Variants in THAP7 observed in about 807,000 individuals in gnomAD.
The protein encoded by THAP7 is THAP domain containing 7.
Under a neutral mutation model 29.2 loss-of-function variants are expected in THAP7, and 22 were observed. The observed-to-expected ratio is 0.75, with a 90% CI of 0.54 to 1.08. THAP7 has a LOEUF of 1.08. Ranked by LOEUF, THAP7 falls within the 50% of genes least tolerant of loss-of-function variation. The pLI is 0.00. For synonymous variants in THAP7, 208 were observed against 173.4 expected (o/e 1.20, Z -1.57); for missense variants, 448 against 416.2 (o/e 1.08, Z -0.66).
At chr22:21,001,208 C>T (rs1489025305) in intron 2 of THAP7, 48 bp downstream of exon 2, 1 of 1,602,714 alleles carries the variant, frequency 6.2e-7, no homozygotes, top group African/African-American at 1.3e-5. Flanking sequence ...TCCCAGTCCG[C>T]CGGGAGCCCC....
Position 20,999,838 on chromosome 22 carries a change from T to A in THAP7, c.*42A>T, listed in dbSNP as rs1925038743. 1.3e-6 allele frequency: 2 copies of A among 1,561,208 alleles called. No individual in the cohort carries two copies. The highest frequency in any genetic ancestry group is 2.7e-5 in the African/African-American group (2 of 73,920). On this transcript the variant is annotated 3_prime_UTR_variant, in exon 4 of 4. Transcript: ENST00000215742. Reference sequence around the variant, plus strand: ...GGTGGGATCTGAGGGAGGAAGAGGCTGCAGTCTTGCTGGGCAGCCCCTCGG... The same window carrying A: ...GGTGGGATCTGAGGGAGGAAGAGGCAGCAGTCTTGCTGGGCAGCCCCTCGG...
rs1925121376 is a variant in THAP7 at position 21,000,798 on chromosome 22, A to G, written c.237-11T>C. ...AGCCTGTGATATCCACTGCGGGGAA[A>G]AGCAACCCAGATGAGCTGGAGAGCA... On this transcript the variant is annotated splice_polypyrimidine_tract_variant and intron_variant, in intron 2 of 3. Transcript: ENST00000215742. The G allele has an allele frequency of 6.2e-7, 1 of 1,613,902 alleles. No individual in the cohort carries two copies. The highest frequency in any genetic ancestry group is 1.1e-5 in the South Asian group (1 of 91,092).
rs1243058065 is a variant in THAP7, at chr22:21,000,449, G to A, written c.378-17C>T. The A allele has an allele frequency of 5.8e-6, 9 of 1,545,998 alleles. No individual in the cohort carries two copies. Among genetic ancestry groups the A allele is most frequent in the Non-Finnish European group, 7.8e-6 (9 of 1,148,190 alleles). ...TCGGAGCAGCTGGTAAGGGGGAAGA[G>A]AGAGACTGATGGGCTAGGCTGAGGG... On this transcript the variant is annotated splice_polypyrimidine_tract_variant and intron_variant, in intron 3 of 3. Transcript: ENST00000215742.
intron 2 of THAP7, 199 bp from the exon 3 acceptor site, chr22:21,000,986 G>T: frequency 1.1e-6 from 1 of 911,022 alleles, no homozygotes; most frequent in Non-Finnish European, 1.6e-6. Context: ...TGCATAAGCC[G>T]AGCTGGGCTG....
intron 2 of THAP7, 111 bp downstream of exon 2, chr22:21,001,145 A>AAAC (rs1925142476): frequency 6.8e-7 from 1 of 1,480,056 alleles, no homozygotes; most frequent in African/African-American, 1.4e-5. Flanking sequence ...TGGGAACAGG[A>AAAC]AACAGCCCCC....
rs543596060 is a variant in THAP7, at chr22:21,001,773, C to T, written c.80+59G>A. ...GCGCGAAGCCTCTACGCAGTTGCGACCCGAGGCGAGCAACAACTAGCGCAT... is the reference window on the plus strand; with the variant it reads ...GCGCGAAGCCTCTACGCAGTTGCGATCCGAGGCGAGCAACAACTAGCGCAT... On this transcript the variant is annotated intron_variant, in intron 1 of 3. Coordinates refer to ENST00000215742, the MANE Select transcript of THAP7 (RefSeq NM_030573.3). 5.4e-5 allele frequency: 81 copies of T among 1,511,020 alleles called. 1 individual carries two copies. In the South Asian group the frequency reaches 9.2e-4, roughly 17 times the overall value. 93.6% of individuals were successfully genotyped at this position (1,511,020 alleles called of 1,614,324 possible).
Position 21,000,400 on chromosome 22 carries a change from A to G in THAP7, c.410T>C (p.Phe137Ser). The G allele has an allele frequency of 6.4e-7, 1 of 1,553,758 alleles. No individual in the cohort carries two copies. The highest frequency in any genetic ancestry group is 8.7e-7 in the Non-Finnish European group (1 of 1,148,950). ...CSEGRGPTTP[F>S]SPPPPADVTC... ...GACATCAGCAGGTGGAGGTGGAGAA[A>G]ATGGAGTTGTGGGCCCTCGGCCCTC... The change falls in exon 4 of 4, where the codon TTT becomes TCT. Residue 137 changes from phenylalanine to serine, a missense_variant. By Grantham distance (155) the Phe-to-Ser change is radical. Transcript: ENST00000215742.
At chr22:21,000,965 T>C in intron 2 of THAP7, 178 bp from the exon 3 acceptor site, 1 of 1,040,424 alleles carries the variant, frequency 9.6e-7, no homozygotes, top group Non-Finnish European at 1.4e-6. Context: ...AGTCCAGGTG[T>C]GTGGAAAGCC....
Position 21,001,928 on chromosome 22 carries a change from A to G in THAP7, c.-17T>C. ...ACGCGGCATCTGGGAAAGAGGCGGGAGTTAAGTCGCAAGCGGCTCTCCGGG... is the reference window on the plus strand; with the variant it reads ...ACGCGGCATCTGGGAAAGAGGCGGGGGTTAAGTCGCAAGCGGCTCTCCGGG... On this transcript the variant is annotated 5_prime_UTR_variant, in exon 1 of 4. Coordinates refer to ENST00000215742, the MANE Select transcript of THAP7 (RefSeq NM_030573.3). 2.6e-6 allele frequency: 4 copies of G among 1,549,522 alleles called. No individual in the cohort carries two copies. Among genetic ancestry groups the G allele is most frequent in the Non-Finnish European group, 3.5e-6 (4 of 1,148,202 alleles).
In THAP7 at chr22:21,001,858, C is replaced by A. The variant is rs1342312429; in HGVS notation, c.54G>T (p.Thr18=). The A allele has an allele frequency of 6.4e-7, 1 of 1,564,758 alleles. No individual in the cohort carries two copies. The highest frequency in any genetic ancestry group is 1.4e-5 in the African/African-American group (1 of 73,618). The part of the protein sequence containing the change: ...AGCCTRDTRE[T]RNRGISFHRL... Reference sequence around the variant, plus strand: ...TGTGGAAGGAGATGCCGCGGTTGCGCGTCTCGCGCGTGTCCCGTGTGCAGC... The same window carrying A: ...TGTGGAAGGAGATGCCGCGGTTGCGAGTCTCGCGCGTGTCCCGTGTGCAGC... Residue 18 remains threonine, a synonymous_variant, in exon 1 of 4, where the codon ACG becomes ACT. Transcript: ENST00000215742.
chr22:20,999,551 C>T lies in THAP7; in HGVS notation c.*329G>A. 1 of 318,304 alleles carries T rather than the reference C, an allele frequency of 3.1e-6. No individual in the cohort carries two copies. Among genetic ancestry groups the T allele is most frequent in the Non-Finnish European group, 5.9e-6 (1 of 170,756 alleles). The allele number at this position is 318,304 out of a possible 1,614,324, so 19.7% of individuals were successfully genotyped here. A position where few individuals can be genotyped will look rare whatever the true frequency, so the allele number is the denominator to read the frequency against. ...GAGCTGTCTTCCTGGCCCCTACTCA[C>T]ACCATCCTGCCCCTTCAGAGAACCC... On this transcript the variant is annotated 3_prime_UTR_variant, in exon 4 of 4. Coordinates refer to ENST00000215742, the MANE Select transcript of THAP7 (RefSeq NM_030573.3).
intron 3 of THAP7, 50 bp from the exon 4 acceptor site, chr22:21,000,482 G>A (rs1441755726): frequency 5.2e-6 from 8 of 1,537,004 alleles, no homozygotes; most frequent in South Asian, 1.2e-5. Flanking sequence ...GGGCTTGCCA[G>A]ACCCCCCTCC....
Position 20,999,364 on chromosome 22 carries a change from A to T in THAP7, c.*516T>A, listed in dbSNP as rs1010576889. 1.3e-5 allele frequency: 2 copies of T among 154,178 alleles called. No homozygotes were observed. The highest frequency in any genetic ancestry group is 4.8e-5 in the African/African-American group (2 of 41,408). The allele number at this position is 154,178 out of a possible 1,614,324, so 9.6% of individuals were successfully genotyped here. ...AGAGATGGTAGTGAAGGGGGCGGGG[A>T]GAGGGTTGTCCAGCTTACCCACCAG... On this transcript the variant is annotated 3_prime_UTR_variant, in exon 4 of 4. Transcript: ENST00000215742.
chr22:21,001,807 G>C (rs1469479955), intron 1 of THAP7, 25 bp downstream of exon 1: 2 of 1,542,384 alleles, frequency 1.3e-6, no homozygotes, highest in Non-Finnish European at 1.7e-6. Flanking sequence ...ATGCGCACGT[G>C]AGCCCGCGGC....
chr22:21,001,813 G>A lies in THAP7; in HGVS notation c.80+19C>T, dbSNP rs1180243716. 6.5e-7 allele frequency: 1 copy of A among 1,544,042 alleles called. No individual in the cohort carries two copies. Among genetic ancestry groups the A allele is most frequent in the South Asian group, 1.2e-5 (1 of 83,664 alleles). On this transcript the variant is annotated intron_variant, in intron 1 of 3. Coordinates refer to ENST00000215742, the MANE Select transcript of THAP7 (RefSeq NM_030573.3). ...AACTAGCGCATGCGCACGTGAGCCC[G>A]CGGCGCACGCGCGCTGACCTGTGGA... is the stretch of plus-strand genomic sequence containing the variant.
chr22:21,000,764 C>T lies in THAP7; in HGVS notation c.260G>A (p.Gly87Glu). ...AGACTCAAATATGGTGGGGACTGCC[C>T]CCTCCTTTAGCCTGTGATATCCACT... is the stretch of plus-strand genomic sequence containing the variant. ...GISGYHRLKE[G>E]AVPTIFESFS... The change falls in exon 3 of 4, where the codon GGG (glycine) becomes GAG (glutamate). Residue 87 changes from glycine to glutamate, a missense_variant. By Grantham distance (98) the Gly-to-Glu change is moderately conservative (BLOSUM62 -2). Transcript: ENST00000215742. 2 of 1,614,172 alleles carry T rather than the reference C, an allele frequency of 1.2e-6. No homozygotes were observed. Among genetic ancestry groups the T allele is most frequent in the Non-Finnish European group, 1.7e-6 (2 of 1,180,018 alleles).
At position 21,001,048 on chromosome 22, in the gene THAP7, T is replaced by A. The variant is rs1925136160; in HGVS notation, c.236+208A>T. ...GTGGACTTGCTGGCAAGACTGGGGC[T>A]CTGAAAGATACTCTCTGGAAAGGCT... On this transcript the variant is annotated intron_variant, in intron 2 of 3. Coordinates refer to ENST00000215742, the MANE Select transcript of THAP7 (RefSeq NM_030573.3). The A allele has an allele frequency of 3.5e-6, 3 of 857,554 alleles. No individual in the cohort carries two copies. The South Asian group carries it at 5.3e-5, about 15-fold the overall frequency. 53.1% of individuals were successfully genotyped at this position (857,554 alleles called of 1,614,324 possible).
chr22:21,001,925 G>T lies in THAP7; in HGVS notation c.-14C>A. ...GTGACGCGGCATCTGGGAAAGAGGC[G>T]GGAGTTAAGTCGCAAGCGGCTCTCC... On this transcript the variant is annotated 5_prime_UTR_variant, in exon 1 of 4. Coordinates refer to ENST00000215742, the MANE Select transcript of THAP7 (RefSeq NM_030573.3). 1.3e-6 allele frequency: 2 copies of T among 1,554,238 alleles called. No individual in the cohort carries two copies. The highest frequency in any genetic ancestry group is 2.4e-5 in the East Asian group (1 of 41,036).
rs757243450 is a variant in THAP7 at position 21,001,288 on chromosome 22, A to G, written c.204T>C (p.Phe68=). The part of the protein sequence containing the change: ...SEYIYFCSKH[F]EEDCFELVGI... Reference sequence around the variant, plus strand: ...CCACCAGCTCAAAGCAGTCCTCCTCAAAGTGTTTGGAGCAGAAGTAGATGT... The same window carrying G: ...CCACCAGCTCAAAGCAGTCCTCCTCGAAGTGTTTGGAGCAGAAGTAGATGT... Residue 68 remains phenylalanine (F), a synonymous_variant, in exon 2 of 4, where the codon TTT becomes TTC. Coordinates refer to ENST00000215742, the MANE Select transcript of THAP7 (RefSeq NM_030573.3). The G allele has an allele frequency of 6.2e-7, 1 of 1,614,070 alleles. No homozygotes were observed. Among genetic ancestry groups the G allele is most frequent in the South Asian group, 1.1e-5 (1 of 91,078 alleles).
Sources: gnomAD v4.1 joint callset for allele counts on GRCh38, gnomAD v4.1.1 for gene constraint, MANE v1.5 for transcripts, NCBI Gene and HGNC (gene_info 2026-07-23, HGNC 2026-07-21) for gene names.